Variants in CETP observed in about 807,000 individuals in gnomAD.
CETP encodes the protein BPI fold containing family F.
CETP carries 56 observed loss-of-function variants against 66.5 expected under a neutral mutation model. The ratio of observed to expected loss-of-function variants is 0.84; its 90% CI spans 0.68 to 1.05. The LOEUF is 1.05. CETP is among the 50% of genes least tolerant of loss of function. The probability of loss-of-function intolerance (pLI) is 0.00; values close to 1 mark genes in which losing one functional copy is unlikely to be tolerated. For synonymous variants in CETP, 251 were observed against 245.7 expected (o/e 1.02, Z -0.20); for missense variants, 612 against 609.6 (o/e 1.00, Z -0.04).
In CETP at chr16:56,983,585, C is replaced by A. The variant is rs1401491244; in HGVS notation, c.1408-7C>A. ...TCGCCCCTCTCTCCTACTGCCCCTC[C>A]CTTCAGGGCTTCCTGCTGCTGCAGA... On this transcript the variant is annotated splice_region_variant and splice_polypyrimidine_tract_variant and intron_variant, in intron 15 of 15. Coordinates refer to ENST00000200676, the MANE Select transcript of CETP (RefSeq NM_000078.3). The A allele has an allele frequency of 6.2e-7, 1 of 1,614,162 alleles. No individual in the cohort carries two copies. The highest frequency in any genetic ancestry group is 1.7e-5 in the Admixed American group (1 of 60,022).
At position 56,973,600 on chromosome 16, in the gene CETP, G is replaced by A. The variant is rs12691052; in HGVS notation, c.930+90G>A. The A allele has an allele frequency of 9.9e-3, 14,498 of 1,468,180 alleles. 663 individuals carry two copies. The East Asian group carries it at 0.13, about 13-fold the overall frequency. The allele number at this position is 1,468,180 out of a possible 1,614,324, so 90.9% of individuals were successfully genotyped here. A position where few individuals can be genotyped will look rare whatever the true frequency, so the allele number is the denominator to read the frequency against. On this transcript the variant is annotated intron_variant, in intron 9 of 15. Transcript: ENST00000200676. Reference sequence around the variant, plus strand: ...CGCATGGGGAGGAGGGAGGAAACTCGGAAACTTGGTGGTGGGCAAAAGAAC... The same window carrying A: ...CGCATGGGGAGGAGGGAGGAAACTCAGAAACTTGGTGGTGGGCAAAAGAAC...
chr16:56,966,438 C>T (rs765172948), intron 2 of CETP, among the ~76,000 whole-genome samples: 1 of 152,180 alleles, frequency 6.6e-6, no homozygotes, highest in Non-Finnish European at 1.5e-5. Flanking sequence ...CTTGAAAGGG[C>T]CTTTTCCCAC....
chr16:56,967,438 C>T (rs555606839), intron 2 of CETP, among the ~76,000 whole-genome samples: 1 of 152,052 alleles, frequency 6.6e-6, no homozygotes, highest in South Asian at 2.1e-4. Flanking sequence ...GGGGAATCAC[C>T]TGAGGTCAGG....
intron 7 of CETP, 38 bp from the exon 8 acceptor site, chr16:56,971,954 C>T: frequency 1.3e-5 from 21 of 1,567,360 alleles, no homozygotes; most frequent in Non-Finnish European, 1.8e-5. Flanking sequence ...GGCAATTCCC[C>T]CATCCTGAGG....
intron 2 of CETP, among the ~76,000 whole-genome samples, chr16:56,967,045 C>T (rs1429726338): frequency 6.6e-6 from 1 of 152,038 alleles, no homozygotes; most frequent in African/African-American, 2.4e-5. Context: ...AGAAGAGACT[C>T]CACTCAAAAA....
Position 56,983,592 on chromosome 16 carries a change from G to A in CETP, c.1408G>A (p.Gly470Ser). The stretch of plus-strand genomic sequence containing the variant: ...TCTCTCCTACTGCCCCTCCCTTCAG[G>A]GCTTCCTGCTGCTGCAGATGGACTT... ...IINPEIITRD[G>S]FLLLQMDFGF... is the part of the protein sequence containing the mutation. Residue 470 changes from glycine (G) to serine (S), a missense_variant and splice_region_variant, in exon 16 of 16, where the codon GGC becomes AGC. Transcript: ENST00000200676. The A allele has an allele frequency of 6.2e-7, 1 of 1,614,126 alleles. No homozygotes were observed. Among genetic ancestry groups the A allele is most frequent in the South Asian group, 1.1e-5 (1 of 91,076 alleles).
Position 56,962,094 on chromosome 16 carries a change from G to A in CETP, c.115G>A (p.Val39Met). Residue 39 changes from valine to methionine, a missense_variant, in exon 1 of 16, where the codon GTG (valine) becomes ATG (methionine). By Grantham distance (21) the Val-to-Met change is conservative. Coordinates refer to ENST00000200676, the MANE Select transcript of CETP (RefSeq NM_000078.3). ...VCRITKPALL[V>M]LNHETAKVIQ... ...CCGCATCACCAAGCCTGCCCTCCTG[G>A]TGTGTAAGTATCAGTGCATCTGTCT... The A allele has an allele frequency of 1.2e-6, 2 of 1,612,950 alleles. No homozygotes were observed. Among genetic ancestry groups the A allele is most frequent in the Non-Finnish European group, 1.7e-6 (2 of 1,179,054 alleles).
At chr16:56,963,647 C>T (rs555179666) in intron 2 of CETP, among the ~76,000 whole-genome samples, 22 of 152,026 alleles carry the variant, frequency 1.4e-4, no homozygotes, top group African/African-American at 5.3e-4. Flanking sequence ...AACATCCTCA[C>T]CTTTATCATA....
At chr16:56,971,289 T>A in intron 6 of CETP, 32 bp from the exon 7 acceptor site, 1 of 1,611,956 alleles carries the variant, frequency 6.2e-7, no homozygotes, top group Non-Finnish European at 8.5e-7. Context: ...CCTCCTTTCC[T>A]GCCTGGAAAG....
chr16:56,966,681 C>G (rs2056068804), intron 2 of CETP, among the ~76,000 whole-genome samples: 1 of 152,014 alleles, frequency 6.6e-6, no homozygotes, highest in Admixed American at 6.6e-5. Context: ...CTCACTGCAA[C>G]TTCTGCCTCC....
chr16:56,978,097 G>A lies in CETP; in HGVS notation c.988G>A (p.Gly330Ser), dbSNP rs375653767. ...TNQEIFQEVV[G>S]GFPSQAQVTV... ...GGACCCCTGTCTTCCACAGGTTGTC[G>A]GCGGCTTCCCCAGCCAGGCCCAAGT... The change falls in exon 11 of 16, where the codon GGC (glycine) becomes AGC (serine). Residue 330 changes from glycine to serine, a missense_variant. By Grantham distance (56) the Gly-to-Ser change is moderately conservative (BLOSUM62 0). Coordinates refer to ENST00000200676, the MANE Select transcript of CETP (RefSeq NM_000078.3). 80 of 1,613,976 alleles carry A rather than the reference G, an allele frequency of 5.0e-5. No homozygotes were observed. The highest frequency in any genetic ancestry group is 6.7e-5 in the African/African-American group (5 of 74,908).
intron 5 of CETP, among the ~76,000 whole-genome samples, chr16:56,970,205 T>C (rs2056100245): frequency 6.6e-6 from 1 of 152,224 alleles, no homozygotes; most frequent in Admixed American, 6.5e-5. Flanking sequence ...CAACAGCTAG[T>C]AACTAACAGC....
Position 56,969,616 on chromosome 16 carries a change from G to T in CETP, c.374G>T (p.Gly125Val), listed in dbSNP as rs757113917. The T allele has an allele frequency of 1.9e-6, 3 of 1,614,072 alleles. No homozygotes were observed. Among genetic ancestry groups the T allele is most frequent in the Admixed American group, 3.3e-5 (2 of 60,008 alleles). Residue 125 changes from glycine (G) to valine (V), a missense_variant, in exon 4 of 16, where the codon GGT becomes GTT. Transcript: ENST00000200676. ...KYGYTTAWWL[G>V]IDQSIDFEID... ...GGGTCCTTGGCTCTTTCCAGGCTGG[G>T]TATTGATCAGTCCATTGACTTCGAG...
At chr16:56,974,819 A>G (rs1485836134) in intron 9 of CETP, among the ~76,000 whole-genome samples, 1 of 152,136 alleles carries the variant, frequency 6.6e-6, no homozygotes, top group African/African-American at 2.4e-5. Context: ...TGTGCTTGTC[A>G]TTGAACTCAT....
chr16:56,966,835 G>A (rs532178296), intron 2 of CETP, among the ~76,000 whole-genome samples: 7 of 150,166 alleles, frequency 4.7e-5, no homozygotes, highest in Non-Finnish European at 5.9e-5. Context: ...GGCTGGTCTC[G>A]AACTCCTGAC....
At chr16:56,975,337 C>T (rs1317795695) in intron 10 of CETP, among the ~76,000 whole-genome samples, 186 bp downstream of exon 10, 1 of 152,224 alleles carries the variant, frequency 6.6e-6, no homozygotes, top group Non-Finnish European at 1.5e-5. Flanking sequence ...AGTGCTCACA[C>T]CGACCCTATG....
rs1420969390 is a variant in CETP at position 56,983,368 on chromosome 16, T to A, written c.1364T>A (p.Val455Glu). ...VFTALMNSKG[V>E]SLFDIINPEI... ...ACAGCCCTCATGAACAGCAAAGGCG[T>A]GAGCCTCTTCGACATCATCAACCCT... The change falls in exon 15 of 16, where the codon GTG becomes GAG. Residue 455 changes from valine to glutamate, a missense_variant. Val to Glu is a moderately radical substitution (Grantham distance 121). Transcript: ENST00000200676. 6 of 1,614,226 alleles carry A rather than the reference T, an allele frequency of 3.7e-6. No homozygotes were observed. The highest frequency in any genetic ancestry group is 5.1e-6 in the Non-Finnish European group (6 of 1,180,038).
Position 56,973,520 on chromosome 16 carries a change from T to C in CETP, c.930+10T>C. The C allele has an allele frequency of 6.2e-7, 1 of 1,613,786 alleles. No individual in the cohort carries two copies. The highest frequency in any genetic ancestry group is 8.5e-7 in the Non-Finnish European group (1 of 1,179,918). On this transcript the variant is annotated intron_variant, in intron 9 of 15. Transcript: ENST00000200676. ...GGGAGACGAGTTCAAGGTGAGTGGG[T>C]GGGGCTGGGCTGCTAGGGGATCCAG...
chr16:56,971,006 G>A (rs1159865620), intron 5 of CETP, 27 bp from the exon 6 acceptor site: 7 of 1,612,348 alleles, frequency 4.3e-6, no homozygotes, highest in Non-Finnish European at 5.9e-6. Flanking sequence ...CTGGTCAGGG[G>A]CTCATTGTGG....
Sources: allele counts gnomAD v4.1 joint callset (sites outside exome capture counted in the v4.1 genomes callset), GRCh38; gene constraint gnomAD v4.1.1; transcripts MANE v1.5; gene names NCBI Gene and HGNC (gene_info 2026-07-23, HGNC 2026-07-21).